The following AADAT variants were observed in gnomAD, a reference collection of about 807,000 sequenced individuals.
The protein encoded by AADAT is kynurenine/alpha-aminoadipate aminotransferase, mitochondrial.
Under a neutral mutation model 56.2 loss-of-function variants are expected in AADAT, and 25 were observed. The observed-to-expected ratio is 0.44, with a 90% CI of 0.32 to 0.62. AADAT has a LOEUF of 0.62. AADAT is among the 20% of genes least tolerant of loss of function. The pLI is 0.04. For missense variants in AADAT, 387 were observed against 510.5 expected (o/e 0.76, Z 2.33); for synonymous variants, 173 against 164.7 (o/e 1.05, Z -0.39).
intron 4 of AADAT, 119 bp downstream of exon 4, chr4:170,078,390 T>G: frequency 1.1e-5 from 6 of 542,208 alleles, no homozygotes; most frequent in Non-Finnish European, 9.3e-6. Context: ...TGTGGACAGA[T>G]TATTTTAAAG....
At chr4:170,079,168 A>C (rs1732176547) in intron 3 of AADAT, among the ~76,000 whole-genome samples, 2 of 152,328 alleles carry the variant, frequency 1.3e-5, no homozygotes, top group South Asian at 4.1e-4. Flanking sequence ...ATGACATAAG[A>C]GCTCATTGTA....
chr4:170,090,125 C>A (rs1732763671), upstream of AADAT: 1 of 152,318 alleles, frequency 6.6e-6, no homozygotes, highest in Non-Finnish European at 1.5e-5. Flanking sequence ...CTTGCAGCCC[C>A]AGGCCAATGA....
chr4:170,077,865 A>C (rs1430443580), intron 4 of AADAT, among the ~76,000 whole-genome samples: 2 of 152,200 alleles, frequency 1.3e-5, no homozygotes, highest in Non-Finnish European at 2.9e-5. Flanking sequence ...TCTGGGGAAA[A>C]TAGCTCCAGT....
At chr4:170,061,073 G>A (rs1325902375) in intron 12 of AADAT, 104 bp from the exon 13 acceptor site, 3 of 764,856 alleles carry the variant, frequency 3.9e-6, no homozygotes, top group Non-Finnish European at 5.7e-6. Context: ...GTCTAAGGTT[G>A]AGAGAAGGCA....
chr4:170,074,025 A>T (rs752531035), intron 4 of AADAT, among the ~76,000 whole-genome samples: 26 of 152,028 alleles, frequency 1.7e-4, no homozygotes, highest in Non-Finnish European at 2.2e-4. Flanking sequence ...TCAGATAGAG[A>T]TTGCTTCTGT....
At chr4:170,071,515 C>T (rs544985522) in intron 5 of AADAT, among the ~76,000 whole-genome samples, 62 of 152,310 alleles carry the variant, frequency 4.1e-4, no homozygotes, top group African/African-American at 1.3e-3. Context: ...AACAGACCGA[C>T]CGTGTTACCT....
intron 4 of AADAT, among the ~76,000 whole-genome samples, chr4:170,078,178 A>C (rs1732128417): frequency 1.3e-5 from 2 of 152,218 alleles, no homozygotes; most frequent in South Asian, 4.1e-4. Flanking sequence ...GATAGTAATA[A>C]AAAATAAATT....
chr4:170,088,943 C>A (rs1388905458), intron 1 of AADAT, among the ~76,000 whole-genome samples: 1 of 152,026 alleles, frequency 6.6e-6, no homozygotes, highest in Non-Finnish European at 1.5e-5. Flanking sequence ...ACCATGGTGA[C>A]ACAGAAGCTG....
At chr4:170,076,827 G>C (rs1159682482) in intron 4 of AADAT, among the ~76,000 whole-genome samples, 1 of 152,122 alleles carries the variant, frequency 6.6e-6, no homozygotes, top group African/African-American at 2.4e-5. Context: ...TATGTCCTAA[G>C]TGTTTGTAGT....
At chr4:170,064,956 C>A in intron 10 of AADAT, 131 bp from the exon 11 acceptor site, 58 of 577,134 alleles carry the variant, frequency 1.0e-4, no homozygotes, top group Middle Eastern at 3.4e-4. Flanking sequence ...TCAATTATAG[C>A]ATTTTTAAAA....
At chr4:170,078,168 G>T (rs888360828) in intron 4 of AADAT, among the ~76,000 whole-genome samples, 1 of 152,070 alleles carries the variant, frequency 6.6e-6, no homozygotes, top group Non-Finnish European at 1.5e-5. Flanking sequence ...ATGGTAATAA[G>T]ATAGTAATAA....
At chr4:170,067,429 G>C in intron 8 of AADAT, 41 bp from the exon 9 acceptor site, 2 of 1,542,194 alleles carry the variant, frequency 1.3e-6, no homozygotes, top group Middle Eastern at 1.7e-4. Flanking sequence ...TTCATCCCCT[G>C]AAAATGTACT....
In AADAT at chr4:170,089,820, G is replaced by A. The variant is rs1732748004; in HGVS notation, c.-130C>T. The A allele has an allele frequency of 2.2e-6, 2 of 925,742 alleles. No individual in the cohort carries two copies. The highest frequency in any genetic ancestry group is 3.3e-6 in the Non-Finnish European group (2 of 602,522). The allele number at this position is 925,742 out of a possible 1,614,324, so 57.3% of individuals were successfully genotyped here. ...CCACCGCGAGATGTGTCCCCCCGCT[G>A]CGTCTGGCTTCCCGCGCGCGGTGCC... On this transcript the variant is annotated 5_prime_UTR_variant, in exon 1 of 13. Transcript: ENST00000337664.
chr4:170,072,635 T>G (rs1731830961), intron 5 of AADAT, among the ~76,000 whole-genome samples: 2 of 152,184 alleles, frequency 1.3e-5, no homozygotes, highest in South Asian at 4.1e-4. Context: ...ATTTCTCTTA[T>G]TTTTCAAAGA....
At chr4:170,088,049 C>T (rs1230945803) in intron 2 of AADAT, among the ~76,000 whole-genome samples, 1 of 151,374 alleles carries the variant, frequency 6.6e-6, no homozygotes, top group African/African-American at 2.4e-5. Flanking sequence ...TTCACCTGGA[C>T]ATCTTCTCAT....
At chr4:170,070,489 T>C (rs1731703973) in intron 6 of AADAT, 98 bp downstream of exon 6, 2 of 766,738 alleles carry the variant, frequency 2.6e-6, no homozygotes, top group Non-Finnish European at 2.2e-6. Context: ...TAAAAGTGGA[T>C]TAGTTCTGAC....
At chr4:170,089,337 T>C (rs1732722733) in intron 1 of AADAT, 1 of 578,592 alleles carries the variant, frequency 1.7e-6, no homozygotes, top group Non-Finnish European at 3.1e-6. Context: ...CCTTTCTTGA[T>C]AGCACGCCCC....
At position 170,068,572 on chromosome 4, in the gene AADAT, T is replaced by C. The variant is rs777732766; in HGVS notation, c.900+19A>G. 6.5e-6 allele frequency: 10 copies of C among 1,546,248 alleles called. No homozygotes were observed. Among genetic ancestry groups the C allele is most frequent in the Admixed American group, 2.2e-5 (1 of 46,110 alleles). On this transcript the variant is annotated intron_variant, in intron 8 of 12. Coordinates refer to ENST00000337664, the MANE Select transcript of AADAT (RefSeq NM_016228.4). ...AATCTGATTACAAAAAAAAAATCGA[T>C]TTCCTAAATTGTCCTTACCTGGTTA...
chr4:170,092,901 C>A (rs369100587), upstream of AADAT, among the ~76,000 whole-genome samples: 122 of 152,356 alleles, frequency 8.0e-4, no homozygotes, highest in South Asian at 0.025. Context: ...CTTTTAAGGC[C>A]TGTTCTCAGT....
Sources: allele counts gnomAD v4.1 joint callset (sites outside exome capture counted in the v4.1 genomes callset), GRCh38; gene constraint gnomAD v4.1.1; transcripts MANE v1.5; gene names NCBI Gene and HGNC (gene_info 2026-07-23, HGNC 2026-07-21).